The following MRE11 variants were observed in gnomAD, a reference collection of about 807,000 sequenced individuals.
MRE11 encodes the protein double-strand break repair protein MRE11.
MRE11 carries 62 observed loss-of-function variants against 91.7 expected under a neutral mutation model. The ratio of observed to expected loss-of-function variants is 0.68; its 90% CI spans 0.55 to 0.84. MRE11 has a LOEUF of 0.84. Among genes scored for constraint, MRE11 ranks in the 40% least tolerant of loss-of-function variants. The pLI is 0.00. For missense variants in MRE11, 796 were observed against 852.9 expected (o/e 0.93, Z 0.83); for synonymous variants, 273 against 271.4 (o/e 1.01, Z -0.06).
intron 13 of MRE11, among the ~76,000 whole-genome samples, chr11:94,457,059 T>C (rs1946269548): frequency 6.6e-6 from 1 of 152,110 alleles, no homozygotes; most frequent in South Asian, 2.1e-4. Context: ...ATTGATGATA[T>C]GGGAGAGGGA....
intron 10 of MRE11, among the ~76,000 whole-genome samples, chr11:94,465,250 CA>C (rs1404749256): frequency 1.3e-5 from 2 of 152,080 alleles, no homozygotes; most frequent in Admixed American, 6.6e-5. Flanking sequence ...AAAGAAATGC[CA>C]ATTTTCTATT....
At chr11:94,459,873 C>T (rs1487883554) in intron 12 of MRE11, among the ~76,000 whole-genome samples, 1 of 151,958 alleles carries the variant, frequency 6.6e-6, no homozygotes, top group East Asian at 1.9e-4. Flanking sequence ...ATAAGAGCCC[C>T]CTAAAGATGT....
rs1030549929 is a variant in MRE11, at chr11:94,418,715, A to T, written c.*1410T>A. 8.6e-6 allele frequency: 2 copies of T among 232,448 alleles called. No individual in the cohort carries two copies. The highest frequency in any genetic ancestry group is 4.4e-5 in the African/African-American group (2 of 45,332). The allele number at this position is 232,448 out of a possible 1,614,324, so 14.4% of individuals were successfully genotyped here. On this transcript the variant is annotated 3_prime_UTR_variant, in exon 20 of 20. Coordinates refer to ENST00000323929, the MANE Select transcript of MRE11 (RefSeq NM_005591.4). The stretch of plus-strand genomic sequence containing the variant: ...AAAGATGTGGGCAGATCTGCCTAAG[A>T]ATATTTCACAGGACAATGCCTTCCA...
intron 7 of MRE11, chr11:94,475,497 C>T (rs114295916): frequency 1.2e-5 from 5 of 425,204 alleles, no homozygotes; most frequent in South Asian, 5.0e-5. Context: ...ACAACTTCTC[C>T]GGTGTGTCCC....
chr11:94,456,158 A>C, intron 14 of MRE11, 118 bp downstream of exon 14: 2 of 899,922 alleles, frequency 2.2e-6, no homozygotes, highest in Non-Finnish European at 3.5e-6. Context: ...ATCCTAAGCC[A>C]ACCCCAGCTC....
chr11:94,507,834 G>A, the MRE11 span, among the ~76,000 whole-genome samples: 1 of 151,806 alleles, frequency 6.6e-6, no homozygotes, highest in South Asian at 2.1e-4. Context: ...TGGGATGTGT[G>A]CACGTTTCCT....
At chr11:94,451,686 G>C (rs1279151294) in intron 14 of MRE11, among the ~76,000 whole-genome samples, 4 of 151,966 alleles carry the variant, frequency 2.6e-5, no homozygotes, top group African/African-American at 9.7e-5. Context: ...TATATTAATG[G>C]AACAAAGAAA....
intron 11 of MRE11, among the ~76,000 whole-genome samples, chr11:94,463,005 G>A (rs1946460404): frequency 6.6e-6 from 1 of 152,136 alleles, no homozygotes; most frequent in South Asian, 2.1e-4. Context: ...CCTACAGAAT[G>A]GGAGAACATT....
chr11:94,497,246 AAACT>A (rs1162955167), upstream of MRE11: 2 of 520,746 alleles, frequency 3.8e-6, no homozygotes, highest in Non-Finnish European at 6.7e-6. Flanking sequence ...CATTTATTAA[AAACT>A]AACTATACCA....
chr11:94,417,547 T>G lies in MRE11; in HGVS notation c.*2578A>C, dbSNP rs1945061329. ...TCGTAATTTTAGATTTGCAGTTGCA[T>G]CCTCCTAACTGCGTCTAATGGCAGA... On this transcript the variant is annotated 3_prime_UTR_variant, in exon 20 of 20. Coordinates refer to ENST00000323929, the MANE Select transcript of MRE11 (RefSeq NM_005591.4). 1 of 232,940 alleles carries G rather than the reference T, an allele frequency of 4.3e-6. No individual in the cohort carries two copies. 14.4% of individuals were successfully genotyped at this position (232,940 alleles called of 1,614,324 possible).
At chr11:94,463,546 G>A (rs950212949) in intron 11 of MRE11, among the ~76,000 whole-genome samples, 2 of 152,246 alleles carry the variant, frequency 1.3e-5, no homozygotes, top group African/African-American at 4.8e-5. Flanking sequence ...TTCCATCAAT[G>A]ATAGACTGGA....
chr11:94,471,503 T>C, intron 8 of MRE11, 71 bp downstream of exon 8: 1 of 1,471,028 alleles, frequency 6.8e-7, no homozygotes, highest in Non-Finnish European at 9.5e-7. Flanking sequence ...ACATAGGCCT[T>C]AAACCTATGA....
At chr11:94,498,954 C>A in the MRE11 span, 1 of 169,954 alleles carries the variant, frequency 5.9e-6, no homozygotes, top group African/African-American at 2.4e-5. Context: ...TATTCTGATA[C>A]AATTCAGCTG....
intron 9 of MRE11, among the ~76,000 whole-genome samples, chr11:94,469,502 CT>C (rs1402928659): frequency 1.3e-5 from 2 of 152,164 alleles, no homozygotes; most frequent in African/African-American, 4.8e-5. Context: ...AATGCATTTT[CT>C]ATCTCTTTGG....
At chr11:94,470,692 G>GT (rs1197816803) in intron 8 of MRE11, 50 bp from the exon 9 acceptor site, 3 of 1,585,200 alleles carry the variant, frequency 1.9e-6, no homozygotes, top group Non-Finnish European at 2.6e-6. Context: ...TTTCCTCAGG[G>GT]TGATGTGCAA....
At chr11:94,472,562 C>T (rs1946744919) in intron 7 of MRE11, among the ~76,000 whole-genome samples, 1 of 152,098 alleles carries the variant, frequency 6.6e-6, no homozygotes. Context: ...GTGTGGGAAA[C>T]AAGCAATGCA....
chr11:94,482,805 G>A (rs979992479), intron 4 of MRE11, among the ~76,000 whole-genome samples: 2 of 152,122 alleles, frequency 1.3e-5, no homozygotes, highest in Non-Finnish European at 2.9e-5. Flanking sequence ...GGGCATGGTG[G>A]TGCACACTTG....
intron 14 of MRE11, among the ~76,000 whole-genome samples, chr11:94,448,154 C>A (rs1945993352): frequency 6.6e-6 from 1 of 152,056 alleles, no homozygotes; most frequent in Non-Finnish European, 1.5e-5. Context: ...TCTCTGGGCA[C>A]TAATATTTTA....
intron 14 of MRE11, among the ~76,000 whole-genome samples, chr11:94,450,107 A>G (rs1264698448): frequency 6.6e-6 from 1 of 152,234 alleles, no homozygotes; most frequent in Non-Finnish European, 1.5e-5. Flanking sequence ...TTCAAGTATA[A>G]GTTAAAGTGC....
Sources: gnomAD v4.1 joint callset for allele counts (sites outside exome capture counted in the v4.1 genomes callset) on GRCh38, gnomAD v4.1.1 for gene constraint, MANE v1.5 for transcripts, NCBI Gene and HGNC (gene_info 2026-07-23, HGNC 2026-07-21) for gene names.